Variants in PVALEF observed in about 807,000 individuals in gnomAD.
The protein encoded by PVALEF is parvalbumin-like EF-hand-containing protein.
In PVALEF, 2 loss-of-function variants were observed where a neutral mutation model predicts 1.2. That is an observed-to-expected ratio of 1.68 (90% CI 0.69 to 5.28). The LOEUF is 5.28. Ranked by LOEUF, PVALEF falls within the 30% of genes most tolerant of loss-of-function variation. PVALEF has a pLI of 0.06. For synonymous variants in PVALEF, 16 were observed against 6.5 expected (o/e 2.47, Z -2.24); for missense variants, 35 against 17.7 (o/e 1.97, Z -1.75).
intron 2 of PVALEF, among the ~76,000 whole-genome samples, chr17:81,174,668 T>G (rs1318494364): frequency 7.1e-6 from 1 of 140,708 alleles, no homozygotes; most frequent in Non-Finnish European, 1.5e-5. Flanking sequence ...TACCTCTGTT[T>G]GCCAGGCGCG....
At chr17:81,169,151 A>G (rs1376879675) in intron 2 of PVALEF, among the ~76,000 whole-genome samples, 2 of 152,184 alleles carry the variant, frequency 1.3e-5, no homozygotes, top group African/African-American at 2.4e-5. Context: ...GGCAGTGCAG[A>G]AGGGGCACAG....
At position 81,165,704 on chromosome 17, in the gene PVALEF, G is replaced by T; in HGVS notation, c.-551G>T. 1 of 1,519,254 alleles carries T rather than the reference G, an allele frequency of 6.6e-7. No homozygotes were observed. Among genetic ancestry groups the T allele is most frequent in the South Asian group, 1.2e-5 (1 of 82,980 alleles). The allele number at this position is 1,519,254 out of a possible 1,614,324, so 94.1% of individuals were successfully genotyped here. A position where few individuals can be genotyped will look rare whatever the true frequency, so the allele number is the denominator to read the frequency against. On this transcript the variant is annotated 5_prime_UTR_variant, in exon 1 of 7. Transcript: ENST00000637878. ...TACCTGTGCCCTGGAGGCAGCCACG[G>T]AGTCACGACCACGCGGGGGACGCCA...
rs758627667 is a variant in PVALEF at position 81,172,742 on chromosome 17, C to T, written c.-340+5898C>T. Among the ~76,000 whole-genome samples the T allele has an allele frequency of 3.9e-5, 6 of 151,994 alleles. No individual in the cohort carries two copies. In the East Asian group the frequency reaches 5.8e-4, roughly 15 times the overall value. On this transcript the variant is annotated intron_variant, in intron 2 of 6. Transcript: ENST00000637878. ...CCGCGACACTGCACTCCAGCCTGGGCGACAGAGCGAGACTCTGTCTCAAAA... is the reference window on the plus strand; with the variant it reads ...CCGCGACACTGCACTCCAGCCTGGGTGACAGAGCGAGACTCTGTCTCAAAA...
At chr17:81,172,827 G>A (rs995971301) in intron 2 of PVALEF, among the ~76,000 whole-genome samples, 1 of 152,018 alleles carries the variant, frequency 6.6e-6, no homozygotes, top group Admixed American at 6.6e-5. Context: ...ACAACACGGA[G>A]TCATCTCCCA....
At chr17:81,182,147 C>T in intron 6 of PVALEF, 66 bp downstream of exon 6, 1 of 398,478 alleles carries the variant, frequency 2.5e-6, no homozygotes, top group Non-Finnish European at 4.4e-6. Flanking sequence ...CACCCTTGCC[C>T]ATGGCCCCGC....
chr17:81,169,673 C>T (rs1411027353), intron 2 of PVALEF, among the ~76,000 whole-genome samples: 1 of 152,112 alleles, frequency 6.6e-6, no homozygotes, highest in African/African-American at 2.4e-5. Flanking sequence ...GGCCCTAGGC[C>T]TTCCTGGGCC....
chr17:81,170,071 T>C (rs888433974), intron 2 of PVALEF, among the ~76,000 whole-genome samples: 1 of 151,420 alleles, frequency 6.6e-6, no homozygotes, highest in South Asian at 2.1e-4. Flanking sequence ...GGTGTGTATG[T>C]GTGTGCATAT....
chr17:81,169,968 ATGTGTACATG>A (rs1264369199), intron 2 of PVALEF, among the ~76,000 whole-genome samples: 8 of 141,084 alleles, frequency 5.7e-5, no homozygotes, highest in African/African-American at 8.0e-5. Flanking sequence ...CGGTGTTGGT[ATGTGTACATG>A]TGTGTGCATG....
intron 2 of PVALEF, among the ~76,000 whole-genome samples, chr17:81,173,516 C>G (rs143801317): frequency 2.2e-4 from 34 of 152,286 alleles, no homozygotes; most frequent in African/African-American, 7.5e-4. Flanking sequence ...AAGCTCACAG[C>G]TGGAAAGCCA....
chr17:81,178,646 T>C (rs2061543254), intron 2 of PVALEF, among the ~76,000 whole-genome samples: 1 of 151,922 alleles, frequency 6.6e-6, no homozygotes, highest in South Asian at 2.1e-4. Context: ...CACTCACATG[T>C]CTGGCCCTGC....
intron 4 of PVALEF, 101 bp downstream of exon 4, chr17:81,181,433 G>C (rs1294671536): frequency 3.8e-6 from 2 of 526,402 alleles, no homozygotes; most frequent in Non-Finnish European, 6.7e-6. Context: ...CAGGACACCA[G>C]GACCTGCGGC....
chr17:81,172,968 G>A (rs920683557), intron 2 of PVALEF, among the ~76,000 whole-genome samples: 5 of 152,144 alleles, frequency 3.3e-5, no homozygotes, highest in African/African-American at 7.2e-5. Flanking sequence ...GTTTCAGGTG[G>A]AGAAGCGGCG....
At chr17:81,179,238 C>G (rs1567837836) in intron 3 of PVALEF, 86 bp downstream of exon 3, 3 of 267,148 alleles carry the variant, frequency 1.1e-5, no homozygotes, top group Non-Finnish European at 2.3e-5. Flanking sequence ...GCCTTCTCTT[C>G]ATCCACAGGA....
At chr17:81,166,643 T>G (rs1175853611) in intron 1 of PVALEF, 34 bp from the exon 2 acceptor site, 1 of 452,322 alleles carries the variant, frequency 2.2e-6, no homozygotes. Context: ...CCAGGGCGGG[T>G]CTTGGTGCTC....
chr17:81,166,261 A>AGG (rs570570934), intron 1 of PVALEF, among the ~76,000 whole-genome samples: 19 of 61,984 alleles, frequency 3.1e-4, no homozygotes, highest in East Asian at 1.1e-3. Flanking sequence ...GGCGCGGGGG[A>AGG]GGGGGGGGCC....
At chr17:81,168,632 G>A (rs547207757) in intron 2 of PVALEF, among the ~76,000 whole-genome samples, 39 of 152,292 alleles carry the variant, frequency 2.6e-4, no homozygotes, top group Admixed American at 3.9e-4. Flanking sequence ...CATGATCTCC[G>A]CCCCTGGGAC....
intron 2 of PVALEF, among the ~76,000 whole-genome samples, chr17:81,168,448 G>A (rs752375929): frequency 1.3e-5 from 2 of 152,200 alleles, no homozygotes; most frequent in Non-Finnish European, 2.9e-5. Flanking sequence ...AGGAAGCACA[G>A]GGCCCTCTGA....
intron 2 of PVALEF, 133 bp downstream of exon 2, chr17:81,166,977 C>A (rs928693518): frequency 3.3e-5 from 10 of 305,838 alleles, no homozygotes; most frequent in African/African-American, 2.2e-4. Flanking sequence ...CCAGCCTGCC[C>A]CCGTGGGAGT....
At chr17:81,171,142 A>C (rs2061519054) in intron 2 of PVALEF, among the ~76,000 whole-genome samples, 1 of 152,236 alleles carries the variant, frequency 6.6e-6, no homozygotes, top group African/African-American at 2.4e-5. Flanking sequence ...CAGAGCTATG[A>C]AGTGGTCCTT....
Sources: allele counts gnomAD v4.1 joint callset (sites outside exome capture counted in the v4.1 genomes callset), GRCh38; gene constraint gnomAD v4.1.1; transcripts MANE v1.5; gene names NCBI Gene and HGNC (gene_info 2026-07-23, HGNC 2026-07-21).